Variants in HMCN2 observed in about 807,000 individuals in gnomAD.
HMCN2 encodes hemicentin-2.
HMCN2 carries 325 observed loss-of-function variants against 377.5 expected under a neutral mutation model. That is an observed-to-expected ratio of 0.86 (90% CI 0.79 to 0.94). The LOEUF is 0.94. HMCN2 is among the 40% of genes least tolerant of loss of function. HMCN2 has a pLI of 0.00. For synonymous variants in HMCN2, 2,007 were observed against 2,046.8 expected, an observed-to-expected ratio of 0.98 and a Z score of 0.53; for missense variants, 4,543 against 4,725.3, an observed-to-expected ratio of 0.96 and a Z score of 1.13.
At chr9:130,280,148 GTGTTTTTTTTTTTTTTTTGGT>G (rs1448098958) in intron 1 of HMCN2, among the ~76,000 whole-genome samples, 2 of 92,324 alleles carry the variant, frequency 2.2e-5, no homozygotes, top group African/African-American at 1.3e-4. Context: ...GTGTGTGTGT[GTGTTTTTTTTTTTTTTTTGGT>G]TTTTTTTTTT....
intron 35 of HMCN2, 82 bp downstream of exon 35, chr9:130,358,070 G>A (rs541304831): frequency 2.6e-6 from 3 of 1,150,298 alleles, no homozygotes; most frequent in African/African-American, 3.2e-5. Flanking sequence ...GAGACTCTGA[G>A]CAAATCCCAG....
At position 130,377,662 on chromosome 9, in the gene HMCN2, G is replaced by A. The variant is rs546337628; in HGVS notation, c.8075G>A (p.Ser2692Asn). ...TCCTCCTCACAGCCCGTGACCCCCA[G>A]CTCGCGGCTGCAGGTCCTGGGTGAA... ...WYKDGQPVTP[S>N]SRLQVLGEGR... Residue 2692 changes from serine (S) to asparagine (N), a missense_variant, in exon 53 of 98, where the codon AGC (serine) becomes AAC (asparagine). Physicochemically the swap from Ser to Asn is conservative, Grantham distance 46 (BLOSUM62 1). This residue lies in a region of HMCN2 where 736 missense variants were observed against 773.2 expected (regional missense o/e 0.95). Coordinates refer to ENST00000683500, the MANE Select transcript of HMCN2 (RefSeq NM_001291815.2). 6.6e-4 allele frequency: 649 copies of A among 985,890 alleles called. No individual in the cohort carries two copies. The highest frequency in any genetic ancestry group is 1.0e-3 in the Middle Eastern group (2 of 1,914). 61.1% of individuals were successfully genotyped at this position (985,890 alleles called of 1,614,324 possible).
In HMCN2 at chr9:130,303,191, T is replaced by C. The variant is rs1588206137; in HGVS notation, c.1421+190T>C. On this transcript the variant is annotated intron_variant, in intron 9 of 97. Transcript: ENST00000683500. This position sits in a 1 kb window ranked among gnomAD's most constrained non-coding sequence, Gnocchi z 5.2. ...GGAGTTTTTCCGAGACTCCCACCACTGCTGGGCCATCAGCTGGTGAAGGAG... is the reference window on the plus strand; with the variant it reads ...GGAGTTTTTCCGAGACTCCCACCACCGCTGGGCCATCAGCTGGTGAAGGAG... Among the ~76,000 whole-genome samples, 1 of 152,308 alleles carries C rather than the reference T, an allele frequency of 6.6e-6. No homozygotes were observed. The highest frequency in any genetic ancestry group is 1.9e-4 in the East Asian group (1 of 5,188).
Position 130,422,852 on chromosome 9 carries a change from C to CGTGCTCTGGTCAT in HMCN2, c.13381+126_13381+127insGTGCTCTGGTCAT. 1 of 746,438 alleles carries CGTGCTCTGGTCAT rather than the reference C, an allele frequency of 1.3e-6. No homozygotes were observed. Among genetic ancestry groups the CGTGCTCTGGTCAT allele is most frequent in the Non-Finnish European group, 1.8e-6 (1 of 542,384 alleles). The allele number at this position is 746,438 out of a possible 1,614,324, so 46.2% of individuals were successfully genotyped here. A position where few individuals can be genotyped will look rare whatever the true frequency, so the allele number is the denominator to read the frequency against. On this transcript the variant is annotated intron_variant, in intron 87 of 97. Transcript: ENST00000683500. The surrounding 1 kb of genome is among the most constrained non-coding windows in gnomAD (Gnocchi z 4.2). ...CCGAGACTTGCTCAAGGCCTGATGA[C>CGTGCTCTGGTCAT]CAGAGCACGTCTGACCATCTCTCAA...
intron 32 of HMCN2, among the ~76,000 whole-genome samples, 171 bp downstream of exon 32, chr9:130,355,215 C>T (rs939259548): frequency 5.3e-5 from 8 of 152,240 alleles, no homozygotes; most frequent in East Asian, 3.9e-4. Flanking sequence ...GCTGTGGGGC[C>T]GGCAGGGCTA....
chr9:130,319,307 C>T (rs2131395259), intron 15 of HMCN2, among the ~76,000 whole-genome samples, 188 bp from the exon 16 acceptor site: 1 of 152,318 alleles, frequency 6.6e-6, no homozygotes, highest in Non-Finnish European at 1.5e-5. Flanking sequence ...CTCCCTCTGC[C>T]TCATCCCAAG....
chr9:130,418,861 A>C lies in HMCN2; in HGVS notation c.13051A>C (p.Thr4351Pro), dbSNP rs762626830. 37 of 1,549,412 alleles carry C rather than the reference A, an allele frequency of 2.4e-5. No individual in the cohort carries two copies. The highest frequency in any genetic ancestry group is 3.1e-5 in the Non-Finnish European group (35 of 1,146,310). ...ALRCQATGEP[T>P]PTIEWLQAGQ... ...GCGGTGCCAGGCCACTGGAGAGCCC[A>C]CACCCACCATTGAATGGCTACAGGC... Residue 4351 changes from threonine (T) to proline (P), a missense_variant, in exon 86 of 98, where the codon ACA becomes CCA. This residue lies in a region of HMCN2 where 1,155 missense variants were observed against 1,157.7 expected (regional missense o/e 1.00). Transcript: ENST00000683500.
intron 95 of HMCN2, chr9:130,431,109 G>A (rs1372167027): frequency 1.1e-5 from 6 of 558,796 alleles, no homozygotes; most frequent in South Asian, 4.3e-5. Flanking sequence ...CCGCCTGGAC[G>A]GAGGGGTCTG....
chr9:130,338,307 T>C (rs74206673), intron 23 of HMCN2: 46,643 of 152,338 alleles, frequency 0.31, 7,908 homozygotes, highest in African/African-American at 0.46. Flanking sequence ...CAGTGGGGAC[T>C]TGGGTTTGGG....
chr9:130,408,723 C>T lies in HMCN2; in HGVS notation c.12689-20C>T, dbSNP rs1477885888. The T allele has an allele frequency of 7.8e-7, 1 of 1,277,326 alleles. No individual in the cohort carries two copies. The highest frequency in any genetic ancestry group is 1.0e-6 in the Non-Finnish European group (1 of 980,008). 79.1% of individuals were successfully genotyped at this position (1,277,326 alleles called of 1,614,324 possible). On this transcript the variant is annotated intron_variant, in intron 83 of 97. Coordinates refer to ENST00000683500, the MANE Select transcript of HMCN2 (RefSeq NM_001291815.2). ...AGGCAACCTCTTTTCTGACAACTTGCTCGATGTCACCCCATGCAGAGGCTC... is the reference window on the plus strand; with the variant it reads ...AGGCAACCTCTTTTCTGACAACTTGTTCGATGTCACCCCATGCAGAGGCTC...
At chr9:130,402,689 G>A (rs976937332) in intron 77 of HMCN2, 100 bp from the exon 78 acceptor site, 10 of 635,628 alleles carry the variant, frequency 1.6e-5, no homozygotes, top group African/African-American at 9.5e-5. Flanking sequence ...AAGGAGGCAG[G>A]TTGAGTGACC....
At chr9:130,271,468 G>T (rs562118141) in intron 1 of HMCN2, among the ~76,000 whole-genome samples, 1 of 149,216 alleles carries the variant, frequency 6.7e-6, no homozygotes, top group African/African-American at 2.4e-5. Flanking sequence ...TATACTTTGT[G>T]TTATGATCCT....
In HMCN2 at chr9:130,396,170, G is replaced by C. The variant is rs1050441173; in HGVS notation, c.11055G>C (p.Thr3685=). The C allele has an allele frequency of 4.8e-6, 6 of 1,258,138 alleles. No homozygotes were observed. The highest frequency in any genetic ancestry group is 6.2e-6 in the Non-Finnish European group (6 of 970,402). 77.9% of individuals were successfully genotyped at this position (1,258,138 alleles called of 1,614,324 possible). Residue 3685 remains threonine (T), a splice_region_variant and synonymous_variant, in exon 73 of 98, where the codon ACG becomes ACC. Transcript: ENST00000683500. Reference sequence around the variant, plus strand: ...CACTCCCTCTGTGCCCCTCCCCAGCGGTGCCCACCATCCGGTCAGGACCAC... The same window carrying C: ...CACTCCCTCTGTGCCCCTCCCCAGCCGTGCCCACCATCCGGTCAGGACCAC... ...TSVAFRVEIH[T]VPTIRSGPPA...
intron 1 of HMCN2, among the ~76,000 whole-genome samples, chr9:130,268,118 ATAG>A (rs1554919887): frequency 6.6e-6 from 1 of 152,188 alleles, no homozygotes; most frequent in Non-Finnish European, 1.5e-5. Context: ...GCCCAGCAGG[ATAG>A]CAGCCTTTCA....
rs988060868 is a variant in HMCN2, at chr9:130,351,452, A to T, written c.4460A>T (p.Gln1487Leu). The change falls in exon 30 of 98, where the codon CAG becomes CTG. Residue 1487 changes from glutamine (Q) to leucine (L), a missense_variant. Coordinates refer to ENST00000683500, the MANE Select transcript of HMCN2 (RefSeq NM_001291815.2). The surrounding 1 kb of genome is among the most constrained non-coding windows in gnomAD (Gnocchi z 5.4). ...QPVLPGGPHLQVQEDGQVLRI... is the reference protein window; with the variant it reads ...QPVLPGGPHLLVQEDGQVLRI... ...GTCCTTCCGGGAGGCCCTCACCTGC[A>T]GGTCCAGGAGGATGGCCAGGTTCTC... 1 of 1,304,054 alleles carries T rather than the reference A, an allele frequency of 7.7e-7. No homozygotes were observed. Among genetic ancestry groups the T allele is most frequent in the African/African-American group, 1.5e-5 (1 of 65,848 alleles). 80.8% of individuals were successfully genotyped at this position (1,304,054 alleles called of 1,614,324 possible).
intron 27 of HMCN2, 108 bp from the exon 28 acceptor site, chr9:130,348,876 A>ACCGTT: frequency 8.2e-7 from 1 of 1,213,070 alleles, no homozygotes; most frequent in South Asian, 1.4e-5. Context: ...AGAGCATGGC[A>ACCGTT]CCGTTCTGGC....
chr9:130,359,333 G>A lies in HMCN2; in HGVS notation c.5692G>A (p.Glu1898Lys), dbSNP rs1247233079. ...ALKVLVPPNI[E>K]PGPVNKAVLE... ...TCTCCCCCTAGTGCCCCCCAACATCGAGCCAGGCCCAGTCAACAAGGCAGT... is the reference window on the plus strand; with the variant it reads ...TCTCCCCCTAGTGCCCCCCAACATCAAGCCAGGCCCAGTCAACAAGGCAGT... Residue 1898 changes from glutamate to lysine, a missense_variant, in exon 37 of 98, where the codon GAG becomes AAG. Transcript: ENST00000683500. 9.2e-6 allele frequency: 12 copies of A among 1,302,702 alleles called. No individual in the cohort carries two copies. Among genetic ancestry groups the A allele is most frequent in the African/African-American group, 4.6e-5 (3 of 65,686 alleles). The allele number at this position is 1,302,702 out of a possible 1,614,324, so 80.7% of individuals were successfully genotyped here.
chr9:130,395,353 C>T lies in HMCN2; in HGVS notation c.10911+6C>T, dbSNP rs6597641. The T allele has an allele frequency of 2.6e-5, 33 of 1,284,584 alleles. No homozygotes were observed. In the South Asian group the frequency reaches 2.7e-4, roughly 11 times the overall value. The allele number at this position is 1,284,584 out of a possible 1,614,324, so 79.6% of individuals were successfully genotyped here. The stretch of plus-strand genomic sequence containing the variant: ...GAGACGGCATTGTGCTGCAGGTGGG[C>T]GCCAGGCAGGGCCCCAGGGTGCTGC... On this transcript the variant is annotated splice_donor_region_variant and intron_variant, in intron 71 of 97. Transcript: ENST00000683500.
At chr9:130,424,730 C>T (rs1259246262) in intron 87 of HMCN2, 46 bp from the exon 88 acceptor site, 4 of 1,461,986 alleles carry the variant, frequency 2.7e-6, no homozygotes, top group Non-Finnish European at 3.6e-6. Context: ...AGGTGGCTGC[C>T]CTGAGGATCA....
Sources: gnomAD v4.1 joint callset for allele counts (sites outside exome capture counted in the v4.1 genomes callset) on GRCh38, gnomAD v4.1.1 for gene constraint, gnomAD v4.1.1 regional missense constraint, Gnocchi (gnomAD v3.1) non-coding constraint, MANE v1.5 for transcripts, NCBI Gene and HGNC (gene_info 2026-07-23, HGNC 2026-07-21) for gene names.